Variants in DLGAP1 observed in about 807,000 individuals in gnomAD.
The protein encoded by DLGAP1 is DLG associated protein 1, also known as disks large-associated protein 1.
In DLGAP1, 11 loss-of-function variants were observed where a neutral mutation model predicts 90.8. The ratio of observed to expected loss-of-function variants is 0.12; its 90% CI spans 0.08 to 0.20. The LOEUF (loss-of-function observed/expected upper bound fraction) is 0.20, where lower values mean the gene tolerates loss of function less well. Among genes scored for constraint, DLGAP1 ranks in the 10% least tolerant of loss-of-function variants. The probability of loss-of-function intolerance (pLI) is 1.00; values close to 1 mark genes in which losing one functional copy is unlikely to be tolerated. For synonymous variants in DLGAP1, 558 were observed against 540.7 expected (o/e 1.03, Z -0.44); for missense variants, 1,050 against 1,333.8 (o/e 0.79, Z 3.31).
At chr18:4,357,816 C>T (rs1052951222) in intron 1 of DLGAP1, among the ~76,000 whole-genome samples, 9 of 152,202 alleles carry the variant, frequency 5.9e-5, no homozygotes, top group African/African-American at 1.7e-4. Context: ...GGCCTATGTA[C>T]CACCTTAGTC....
At chr18:3,548,491 A>T (rs2053190720) in intron 9 of DLGAP1, among the ~76,000 whole-genome samples, 1 of 151,026 alleles carries the variant, frequency 6.6e-6, no homozygotes, top group Non-Finnish European at 1.5e-5. Flanking sequence ...CTAGCCGGGC[A>T]CAGTGGCTCA....
At chr18:3,527,613 C>G (rs1179947930) in intron 10 of DLGAP1, among the ~76,000 whole-genome samples, 1 of 151,572 alleles carries the variant, frequency 6.6e-6, no homozygotes, top group Non-Finnish European at 1.5e-5. Context: ...TTGTTTGAGA[C>G]AGAGTCTCCC....
At chr18:3,558,485 G>A (rs1429028268) in intron 9 of DLGAP1, among the ~76,000 whole-genome samples, 5 of 152,184 alleles carry the variant, frequency 3.3e-5, no homozygotes, top group South Asian at 4.1e-4. Context: ...CGCCCACCTT[G>A]GCCTCCCAAA....
intron 3 of DLGAP1, among the ~76,000 whole-genome samples, chr18:3,952,239 T>A (rs904325892): frequency 1.3e-5 from 2 of 152,178 alleles, no homozygotes; most frequent in Non-Finnish European, 2.9e-5. Flanking sequence ...GAGGGATGAT[T>A]TTTTACTGCT....
intron 2 of DLGAP1, among the ~76,000 whole-genome samples, chr18:4,112,069 G>T (rs1275007805): frequency 2.0e-5 from 3 of 151,722 alleles, no homozygotes; most frequent in Non-Finnish European, 4.4e-5. Flanking sequence ...GGCACTTACA[G>T]CTACAAACTT....
At chr18:3,780,709 G>A (rs1290497976) in intron 5 of DLGAP1, among the ~76,000 whole-genome samples, 1 of 152,116 alleles carries the variant, frequency 6.6e-6, no homozygotes, top group Non-Finnish European at 1.5e-5. Flanking sequence ...ATTAAGATGT[G>A]GATATCTTTG....
intron 7 of DLGAP1, among the ~76,000 whole-genome samples, chr18:3,632,541 GA>G (rs2146201126): frequency 6.6e-6 from 1 of 152,246 alleles, no homozygotes; most frequent in Non-Finnish European, 1.5e-5. Context: ...GACCTCAGGT[GA>G]TCTGCCTGCC....
intron 5 of DLGAP1, among the ~76,000 whole-genome samples, chr18:3,783,822 T>C (rs756774714): frequency 6.6e-6 from 1 of 152,352 alleles, no homozygotes; most frequent in Non-Finnish European, 1.5e-5. Context: ...CCTTTGGAAG[T>C]TGCTTACATG....
At chr18:4,059,922 G>C (rs955098698) in intron 2 of DLGAP1, among the ~76,000 whole-genome samples, 2 of 152,122 alleles carry the variant, frequency 1.3e-5, no homozygotes, top group Non-Finnish European at 2.9e-5. Flanking sequence ...AAGTTGTCCG[G>C]CCCCCTCCAG....
At chr18:4,313,336 C>G (rs2080448096) in intron 1 of DLGAP1, among the ~76,000 whole-genome samples, 1 of 151,964 alleles carries the variant, frequency 6.6e-6, no homozygotes, top group Admixed American at 6.6e-5. Context: ...ACAGTTGTAT[C>G]CTTAAATAGG....
In DLGAP1 at chr18:3,505,961, G is replaced by A. The variant is rs542896624; in HGVS notation, c.2571+2609C>T. 2.0e-5 allele frequency among the ~76,000 whole-genome samples: 3 copies of A among 152,330 alleles called. No individual in the cohort carries two copies. In the East Asian group the frequency reaches 5.8e-4, roughly 29 times the overall value. On this transcript the variant is annotated intron_variant, in intron 11 of 12. Transcript: ENST00000315677. ...AGAAATCTGCAAATTTTTGGGCCAGGTGCGGTGGCTCACACCTGTAATCCC... is the reference window on the plus strand; with the variant it reads ...AGAAATCTGCAAATTTTTGGGCCAGATGCGGTGGCTCACACCTGTAATCCC...
chr18:3,987,604 A>T (rs2073869238), intron 3 of DLGAP1, among the ~76,000 whole-genome samples: 1 of 152,168 alleles, frequency 6.6e-6, no homozygotes, highest in Non-Finnish European at 1.5e-5. Flanking sequence ...AAGTCTAAAA[A>T]GTGTATGTTC....
In DLGAP1 at chr18:4,383,673, C is replaced by G. The variant is rs532961989; in HGVS notation, c.-267+71333G>C. ...TAGAATGCGAAGTGATTAAACATCACAGATTATTATACTTCCTTTTGATAA... is the reference window on the plus strand; with the variant it reads ...TAGAATGCGAAGTGATTAAACATCAGAGATTATTATACTTCCTTTTGATAA... On this transcript the variant is annotated intron_variant, in intron 1 of 12. Transcript: ENST00000315677. This position sits in a 1 kb window ranked among gnomAD's most constrained non-coding sequence, Gnocchi z 4.0. Among the ~76,000 whole-genome samples the G allele has an allele frequency of 4.6e-5, 7 of 152,110 alleles. No individual in the cohort carries two copies. The South Asian group carries it at 1.5e-3, about 32-fold the overall frequency.
intron 5 of DLGAP1, among the ~76,000 whole-genome samples, chr18:3,776,035 G>T (rs2064924174): frequency 6.6e-6 from 1 of 152,296 alleles, no homozygotes; most frequent in East Asian, 1.9e-4. Flanking sequence ...AGAGCTGTCA[G>T]CTTCTGTGAG....
At chr18:4,405,527 G>A (rs1322936318) in intron 1 of DLGAP1, among the ~76,000 whole-genome samples, 1 of 151,976 alleles carries the variant, frequency 6.6e-6, no homozygotes, top group Non-Finnish European at 1.5e-5. Flanking sequence ...TTCTTTCTCA[G>A]CAAGTTTGCC....
At chr18:3,734,353 A>G (rs2062559497) in intron 6 of DLGAP1, among the ~76,000 whole-genome samples, 1 of 152,104 alleles carries the variant, frequency 6.6e-6, no homozygotes, top group Non-Finnish European at 1.5e-5. Flanking sequence ...CCTGGGCTCA[A>G]GCTATCCTCT....
At chr18:4,406,066 C>A (rs185086149) in intron 1 of DLGAP1, among the ~76,000 whole-genome samples, 15 of 152,102 alleles carry the variant, frequency 9.9e-5, no homozygotes, top group Non-Finnish European at 2.2e-4. Flanking sequence ...TAAGTGAAGG[C>A]GTGGCCTGCA....
intron 2 of DLGAP1, among the ~76,000 whole-genome samples, chr18:4,057,476 G>A (rs529320354): frequency 2.3e-4 from 35 of 152,160 alleles, no homozygotes; most frequent in Non-Finnish European, 4.9e-4. Context: ...CACCCTAACG[G>A]AAGAATCAGG....
chr18:4,088,959 A>G (rs2075727916), intron 2 of DLGAP1, among the ~76,000 whole-genome samples: 1 of 152,254 alleles, frequency 6.6e-6, no homozygotes, highest in Non-Finnish European at 1.5e-5. Flanking sequence ...CAGCGCAAGC[A>G]GGCAAGAGAA....
Sources: allele counts gnomAD v4.1 joint callset (sites outside exome capture counted in the v4.1 genomes callset), GRCh38; gene constraint gnomAD v4.1.1; non-coding constraint Gnocchi (gnomAD v3.1); transcripts MANE v1.5; gene names NCBI Gene and HGNC (gene_info 2026-07-23, HGNC 2026-07-21).